Variants in MECOM observed in about 807,000 individuals in gnomAD.
MECOM encodes the protein histone-lysine N-methyltransferase MECOM.
Under a neutral mutation model 116.3 loss-of-function variants are expected in MECOM, and 13 were observed. The observed-to-expected ratio is 0.11, with a 90% CI of 0.07 to 0.18. The LOEUF (loss-of-function observed/expected upper bound fraction) is 0.18, where lower values mean the gene tolerates loss of function less well. Ranked by LOEUF, MECOM falls within the 10% of genes least tolerant of loss-of-function variation. The pLI is 1.00. For synonymous variants in MECOM, 528 were observed against 535.2 expected (o/e 0.99, Z 0.19); for missense variants, 1,299 against 1,509.0 (o/e 0.86, Z 2.31).
chr3:169,288,198 G>A (rs902288805), intron 2 of MECOM, among the ~76,000 whole-genome samples: 1 of 151,158 alleles, frequency 6.6e-6, no homozygotes, highest in African/African-American at 2.5e-5. Context: ...TGGGGGGTAG[G>A]GGGAGAAAGA....
chr3:169,120,018 G>GA (rs1448209872), intron 7 of MECOM, among the ~76,000 whole-genome samples: 1 of 152,178 alleles, frequency 6.6e-6, no homozygotes, highest in African/African-American at 2.4e-5. Flanking sequence ...TGTTGGCACT[G>GA]AAAAATAGTT....
In MECOM at chr3:169,483,680, G is replaced by A. The variant is rs554423988; in HGVS notation, c.38-102156C>T. The A allele has an allele frequency of 1.3e-5, 21 of 1,558,416 alleles. No individual in the cohort carries two copies. The South Asian group carries it at 2.0e-4, about 14-fold the overall frequency. On this transcript the variant is annotated intron_variant, in intron 1 of 16. Transcript: ENST00000651503. ...TCCAGATAAATGAAATTTAATCCTC[G>A]TCTTCCTCCTCTTCTTCGTCCTGGT...
intron 2 of MECOM, among the ~76,000 whole-genome samples, chr3:169,206,430 G>A (rs1425559551): frequency 1.3e-5 from 2 of 151,974 alleles, no homozygotes; most frequent in African/African-American, 2.4e-5. Context: ...TCAAACTTTG[G>A]TTCCACTTAA....
chr3:169,184,250 A>G (rs1013217814), intron 2 of MECOM, among the ~76,000 whole-genome samples: 1 of 152,082 alleles, frequency 6.6e-6, no homozygotes, highest in African/African-American at 2.4e-5. Context: ...GTGTTGAATG[A>G]CCAGGAATTT....
At chr3:169,562,345 T>C (rs998345109) in intron 1 of MECOM, among the ~76,000 whole-genome samples, 1 of 152,042 alleles carries the variant, frequency 6.6e-6, no homozygotes, top group Non-Finnish European at 1.5e-5. Flanking sequence ...GAGGATGATC[T>C]AGGTAAGTAA....
At chr3:169,374,557 T>C (rs1374654072) in intron 2 of MECOM, among the ~76,000 whole-genome samples, 1 of 152,080 alleles carries the variant, frequency 6.6e-6, no homozygotes, top group Admixed American at 6.6e-5. Context: ...CTACACAATG[T>C]TTTAGTGTTT....
At chr3:169,432,514 G>C (rs1489166369) in intron 1 of MECOM, among the ~76,000 whole-genome samples, 1 of 152,114 alleles carries the variant, frequency 6.6e-6, no homozygotes, top group Non-Finnish European at 1.5e-5. Context: ...TTATGAAACA[G>C]TAAAGCAGAT....
At chr3:169,435,824 T>C (rs748883377) in intron 1 of MECOM, among the ~76,000 whole-genome samples, 3 of 152,136 alleles carry the variant, frequency 2.0e-5, no homozygotes, top group Non-Finnish European at 2.9e-5. Context: ...TAAATCAGTA[T>C]AAAAACAAGC....
chr3:169,402,856 G>T (rs529425666), intron 1 of MECOM, among the ~76,000 whole-genome samples: 1 of 152,098 alleles, frequency 6.6e-6, no homozygotes, highest in Non-Finnish European at 1.5e-5. Context: ...TTCACAAAGT[G>T]TTTGCCAGGT....
intron 2 of MECOM, among the ~76,000 whole-genome samples, chr3:169,261,327 A>G (rs1757507064): frequency 6.6e-6 from 1 of 152,210 alleles, no homozygotes; most frequent in Non-Finnish European, 1.5e-5. Flanking sequence ...GCCTCATACC[A>G]AATGATTCAT....
intron 1 of MECOM, among the ~76,000 whole-genome samples, chr3:169,451,003 T>G (rs1203124832): frequency 6.6e-6 from 1 of 152,216 alleles, no homozygotes; most frequent in Non-Finnish European, 1.5e-5. Context: ...TAAAAGCCTC[T>G]GGAATATCAC....
chr3:169,245,613 C>G (rs1240830930), intron 2 of MECOM, among the ~76,000 whole-genome samples: 1 of 151,922 alleles, frequency 6.6e-6, no homozygotes, highest in Non-Finnish European at 1.5e-5. Flanking sequence ...ACTTTTAGAC[C>G]CTAGTGGAGA....
intron 2 of MECOM, among the ~76,000 whole-genome samples, chr3:169,345,151 C>T (rs958184976): frequency 2.4e-4 from 37 of 152,100 alleles, no homozygotes; most frequent in African/African-American, 8.9e-4. Flanking sequence ...TGCATCATAG[C>T]AATAATTGCA....
intron 16 of MECOM, chr3:169,086,400 G>C (rs2148818759): frequency 5.0e-6 from 3 of 596,870 alleles, no homozygotes; most frequent in Admixed American, 5.9e-5. Flanking sequence ...ACAAGATAAA[G>C]AGTACTCTGA....
At chr3:169,242,926 T>C (rs1036572891) in intron 2 of MECOM, among the ~76,000 whole-genome samples, 2 of 151,980 alleles carry the variant, frequency 1.3e-5, no homozygotes, top group African/African-American at 4.8e-5. Flanking sequence ...CCTCACATAG[T>C]ATTCCCTTAA....
intron 2 of MECOM, among the ~76,000 whole-genome samples, chr3:169,259,113 G>C (rs562779472): frequency 6.6e-6 from 1 of 152,066 alleles, no homozygotes; most frequent in Non-Finnish European, 1.5e-5. Context: ...GCCCTAATGA[G>C]TTGTATTATA....
intron 1 of MECOM, among the ~76,000 whole-genome samples, chr3:169,458,211 C>T (rs573206130): frequency 6.6e-6 from 1 of 152,294 alleles, no homozygotes; most frequent in South Asian, 2.1e-4. Flanking sequence ...TTTTCCACCC[C>T]CGCCTTCAAC....
Position 169,661,688 on chromosome 3 carries a change from G to C in MECOM, c.37+1648C>G, listed in dbSNP as rs114222587. Among the ~76,000 whole-genome samples, 582 of 152,300 alleles carry C rather than the reference G, an allele frequency of 3.8e-3. 5 individuals are homozygous for C. The highest frequency in any genetic ancestry group is 0.012 in the African/African-American group (501 of 41,544). On this transcript the variant is annotated intron_variant, in intron 1 of 16. Transcript: ENST00000651503. ...CGCCGACTCCAATGCCCGCGAAGCC[G>C]AGCCTGCTGAGGTGCCGCCGACTTC...
At chr3:169,519,609 G>A (rs1183096696) in intron 1 of MECOM, among the ~76,000 whole-genome samples, 1 of 152,324 alleles carries the variant, frequency 6.6e-6, no homozygotes, top group Non-Finnish European at 1.5e-5. Flanking sequence ...GCTTTTAGGA[G>A]GAGCCCATCT....
Sources: allele counts gnomAD v4.1 joint callset (sites outside exome capture counted in the v4.1 genomes callset), GRCh38; gene constraint gnomAD v4.1.1; transcripts MANE v1.5; gene names NCBI Gene and HGNC (gene_info 2026-07-23, HGNC 2026-07-21).